TTC39B: variants seen among roughly 807,000 people sequenced by gnomAD.
TTC39B encodes tetratricopeptide repeat domain 39B, also known as tetratricopeptide repeat protein 39B.
A neutral mutation model predicts 96.6 loss-of-function variants in TTC39B; 92 were observed. That is an observed-to-expected ratio of 0.95 (90% CI 0.80 to 1.13). The LOEUF (loss-of-function observed/expected upper bound fraction) is 1.13. Among genes scored for constraint, TTC39B ranks in the 50% most tolerant of loss-of-function variants. TTC39B has a pLI of 0.00. For missense variants in TTC39B, 955 were observed against 809.3 expected, an observed-to-expected ratio of 1.18 and a Z score of -2.18; for synonymous variants, 367 against 299.4, an observed-to-expected ratio of 1.23 and a Z score of -2.33.
At chr9:15,244,761 G>A (rs780336710) in intron 2 of TTC39B, among the ~76,000 whole-genome samples, 13 of 152,208 alleles carry the variant, frequency 8.5e-5, no homozygotes, top group Non-Finnish European at 1.6e-4. Flanking sequence ...ATCGCTCCAC[G>A]TTGGAATGCA....
intron 2 of TTC39B, chr9:15,249,556 T>C (rs931913198): frequency 6.4e-6 from 1 of 155,246 alleles, no homozygotes; most frequent in Non-Finnish European, 1.4e-5. Context: ...CATCCTGCCA[T>C]TGTTCTGCAG....
Position 15,188,134 on chromosome 9 carries a change from T to G in TTC39B, c.1234-2A>C. ...GCATTTTTGAAATACTTCTTGTGCC[T>G]GTAAATCAAGTACACAAAGTTGATC... On this transcript the variant is annotated splice_acceptor_variant, in intron 13 of 19. Coordinates refer to ENST00000512701, the Ensembl canonical transcript of TTC39B. LOFTEE classifies it high-confidence loss of function. 6.3e-7 allele frequency: 1 copy of G among 1,591,768 alleles called. No individual in the cohort carries two copies. Among genetic ancestry groups the G allele is most frequent in the East Asian group, 2.3e-5 (1 of 44,434 alleles).
At chr9:15,188,000 G>T in exon 14 of TTC39B, 1 of 1,608,384 alleles carries the variant, frequency 6.2e-7, no homozygotes, top group Non-Finnish European at 8.5e-7. Context: ...TTGCAAAGCA[G>T]ATCTGAATAG....
chr9:15,291,465 T>C (rs1166482407), intron 1 of TTC39B, among the ~76,000 whole-genome samples: 1 of 152,228 alleles, frequency 6.6e-6, no homozygotes, highest in Non-Finnish European at 1.5e-5. Context: ...GAACTGTAAG[T>C]CCATTAAACC....
At chr9:15,197,989 G>A (rs567808291) in intron 8 of TTC39B, among the ~76,000 whole-genome samples, 10 of 152,250 alleles carry the variant, frequency 6.6e-5, no homozygotes, top group Non-Finnish European at 1.2e-4. Context: ...AATGCTAAAG[G>A]AAGTTCTTTA....
At chr9:15,187,590 G>A (rs1213280938) in intron 14 of TTC39B, among the ~76,000 whole-genome samples, 3 of 152,132 alleles carry the variant, frequency 2.0e-5, no homozygotes, top group Non-Finnish European at 2.9e-5. Flanking sequence ...CTCCCACGTA[G>A]AAGGGACTAT....
At chr9:15,302,997 G>A (rs933086769) in intron 1 of TTC39B, among the ~76,000 whole-genome samples, 5 of 152,118 alleles carry the variant, frequency 3.3e-5, no homozygotes, top group South Asian at 2.1e-4. Flanking sequence ...GTGAAACCCC[G>A]TCTCTACTAA....
chr9:15,275,476 G>A (rs1188351760), intron 1 of TTC39B, among the ~76,000 whole-genome samples: 1 of 152,164 alleles, frequency 6.6e-6, no homozygotes. Context: ...TGGAGTAACG[G>A]GCATTTTAAT....
chr9:15,201,179 C>G (rs1487015308), intron 7 of TTC39B, among the ~76,000 whole-genome samples: 1 of 151,370 alleles, frequency 6.6e-6, no homozygotes, highest in African/African-American at 2.4e-5. Context: ...TGTTTATCTT[C>G]TTAAATTAAG....
At chr9:15,298,327 T>C (rs1035899062) in intron 1 of TTC39B, among the ~76,000 whole-genome samples, 5 of 152,168 alleles carry the variant, frequency 3.3e-5, no homozygotes, top group Non-Finnish European at 7.4e-5. Flanking sequence ...CAGCATATGG[T>C]AGGGCTTCTC....
chr9:15,264,928 TG>T (rs1170798571), intron 2 of TTC39B, among the ~76,000 whole-genome samples: 2 of 152,114 alleles, frequency 1.3e-5, no homozygotes, highest in Non-Finnish European at 2.9e-5. Context: ...CTAACTCGGT[TG>T]AACAAAAGAG....
chr9:15,295,581 A>T (rs1824343916), intron 1 of TTC39B, among the ~76,000 whole-genome samples: 1 of 152,250 alleles, frequency 6.6e-6, no homozygotes, highest in African/African-American at 2.4e-5. Context: ...CTGAAATGTT[A>T]GCTGCAGATT....
rs190964836 is a variant in TTC39B at position 15,185,132 on chromosome 9, A to C, written c.1614+148T>G. 3.4e-3 allele frequency: 3,470 copies of C among 1,009,784 alleles called. 10 individuals are homozygous for C. The highest frequency in any genetic ancestry group is 4.3e-3 in the Non-Finnish European group (3,099 of 721,528). The allele number at this position is 1,009,784 out of a possible 1,614,324, so 62.6% of individuals were successfully genotyped here. A position where few individuals can be genotyped will look rare whatever the true frequency, so the allele number is the denominator to read the frequency against. On this transcript the variant is annotated intron_variant, in intron 16 of 19. Coordinates refer to ENST00000512701, the Ensembl canonical transcript of TTC39B. ...CATTAGCTACAGTTTTTATTTATTA[A>C]TTATTTATTTAGAAATGTTCAACTT...
intron 4 of TTC39B, 33 bp downstream of exon 4, chr9:15,214,106 G>C (rs1820360544): frequency 3.4e-6 from 5 of 1,480,198 alleles, no homozygotes; most frequent in Non-Finnish European, 4.7e-6. Flanking sequence ...ACATCTGAAA[G>C]ATATTTTATC....
intron 7 of TTC39B, among the ~76,000 whole-genome samples, chr9:15,200,540 G>A (rs1819474606): frequency 6.6e-6 from 1 of 152,200 alleles, no homozygotes; most frequent in African/African-American, 2.4e-5. Flanking sequence ...AATTGAGGCT[G>A]TTGGCCTAGA....
At chr9:15,264,716 T>C (rs961265869) in intron 2 of TTC39B, among the ~76,000 whole-genome samples, 2 of 137,910 alleles carry the variant, frequency 1.5e-5, no homozygotes, top group African/African-American at 6.2e-5. Flanking sequence ...TGTTCTTCTA[T>C]ATAACAATTT....
intron 2 of TTC39B, among the ~76,000 whole-genome samples, chr9:15,230,739 C>G (rs1043938891): frequency 1.3e-5 from 2 of 152,152 alleles, no homozygotes; most frequent in African/African-American, 2.4e-5. Context: ...CCCAGCAGGA[C>G]TTTGGGAGGC....
intron 1 of TTC39B, among the ~76,000 whole-genome samples, chr9:15,303,230 T>A (rs1030170131): frequency 6.6e-6 from 1 of 152,194 alleles, no homozygotes; most frequent in Non-Finnish European, 1.5e-5. Flanking sequence ...TTTAATATAA[T>A]GTTAAATATA....
chr9:15,266,265 T>C (rs1170076806), intron 2 of TTC39B, among the ~76,000 whole-genome samples: 1 of 151,696 alleles, frequency 6.6e-6, no homozygotes, highest in African/African-American at 2.4e-5. Context: ...TAAAAAATCA[T>C]ATAAACATGA....
Sources: allele counts gnomAD v4.1 joint callset (sites outside exome capture counted in the v4.1 genomes callset), GRCh38; gene constraint gnomAD v4.1.1; transcripts MANE v1.5; gene names NCBI Gene and HGNC (gene_info 2026-07-23, HGNC 2026-07-21).